Variants in GABRE observed in about 807,000 individuals in gnomAD.
GABRE encodes gamma-aminobutyric acid receptor subunit epsilon.
A neutral mutation model predicts 31.0 loss-of-function variants in GABRE; 20 were observed. The observed-to-expected ratio is 0.64, with a 90% CI of 0.45 to 0.94. The LOEUF is 0.94. Among genes scored for constraint, GABRE ranks in the 40% least tolerant of loss-of-function variants. The pLI is 0.00. For synonymous variants in GABRE, 155 were observed against 150.6 expected, an observed-to-expected ratio of 1.03 and a Z score of -0.21; for missense variants, 420 against 410.7, an observed-to-expected ratio of 1.02 and a Z score of -0.20.
intron 4 of GABRE, among the ~76,000 whole-genome samples, chrX:151,961,991 C>G (rs1206535686): frequency 9.0e-6 from 1 of 111,691 alleles, no homozygotes; most frequent in Non-Finnish European, 1.9e-5. Flanking sequence ...CCACACACAA[C>G]CTTCCCCTGC....
rs1336978190 is a variant in GABRE, at chrX:151,954,692, A to G, written c.*9T>C. 4.2e-6 allele frequency: 5 copies of G among 1,178,833 alleles called. No homozygotes were observed. The Admixed American group carries it at 1.2e-4, about 27-fold the overall frequency. ...TGGAGAGGTTGCCCCACAGGGTACC[A>G]GCTGGTACCTACAAGTTAAGGCAAA... On this transcript the variant is annotated 3_prime_UTR_variant, in exon 9 of 9. Transcript: ENST00000370328.
chrX:151,960,617 A>C (rs1934335160), intron 5 of GABRE, among the ~76,000 whole-genome samples: 1 of 111,976 alleles, frequency 8.9e-6, no homozygotes, highest in Admixed American at 9.5e-5. Flanking sequence ...TTCGAGACTA[A>C]GAAGTGACCC....
At chrX:151,969,871 T>G (rs765725976) in intron 2 of GABRE, 135 bp from the exon 3 acceptor site, 11 of 1,090,397 alleles carry the variant, frequency 1.0e-5, no homozygotes, top group Non-Finnish European at 1.3e-5. Context: ...ATCCTATTTC[T>G]TTATTTATTC....
chrX:151,960,026 T>C, intron 5 of GABRE, 50 bp from the exon 6 acceptor site: 3 of 1,132,962 alleles, frequency 2.6e-6, no homozygotes, highest in Non-Finnish European at 3.6e-6. Context: ...GAAGCCCACC[T>C]GAGGTCTCCA....
In GABRE at chrX:151,959,945, C is replaced by T. The variant is rs61740941; in HGVS notation, c.678G>A (p.Lys226=). The T allele has an allele frequency of 6.9e-4, 837 of 1,208,036 alleles. 8 individuals are homozygous for T. The highest frequency in any genetic ancestry group is 1.3e-4 in the Non-Finnish European group (116 of 893,868). The change falls in exon 6 of 9, where the codon AAG becomes AAA. Residue 226 remains lysine, a synonymous_variant. Coordinates refer to ENST00000370328, the MANE Select transcript of GABRE (RefSeq NM_004961.4). The part of the protein sequence containing the change: ...FSYPENEMIY[K]WENFKLEINE... ...TGATTTCAAGCTTGAAATTTTCCCA[C>T]TTGTAGATCATCTCATTCTCAGGAT...
At chrX:151,969,431 T>C (rs1432508311) in intron 3 of GABRE, 2 of 301,678 alleles carry the variant, frequency 6.6e-6, no homozygotes, top group Admixed American at 5.7e-5. Flanking sequence ...ATTATTTCTA[T>C]TTTGAATGAA....
At chrX:151,957,148 G>A (rs897696172) in intron 6 of GABRE, 3 of 166,042 alleles carry the variant, frequency 1.8e-5, no homozygotes, top group African/African-American at 9.1e-5. Flanking sequence ...TCTTGCTCCT[G>A]TCAGGCAACA....
At chrX:151,970,541 T>C in intron 1 of GABRE, 139 bp from the exon 2 acceptor site, 2 of 680,961 alleles carry the variant, frequency 2.9e-6, no homozygotes. Context: ...TAGCAAATTA[T>C]AAGACAGTGA....
rs1042557086 is a variant in GABRE at position 151,957,275 on chromosome X, G to A, written c.785-1415C>T. 19 of 234,480 alleles carry A rather than the reference G, an allele frequency of 8.1e-5. No individual in the cohort carries two copies. In the East Asian group the frequency reaches 8.1e-4, roughly 10 times the overall value. 19.3% of individuals were successfully genotyped at this position (234,480 alleles called of 1,213,427 possible). ...AGCTGAATGAGAAGAGCAGCCTTTC[G>A]TACTCACCTTGGCAGCACTGAAACT... On this transcript the variant is annotated intron_variant, in intron 6 of 8. Transcript: ENST00000370328.
rs755479520 is a variant in GABRE, at chrX:151,954,924, C to T, written c.1298G>A (p.Ser433Asn). 3.3e-6 allele frequency: 4 copies of T among 1,209,973 alleles called. No homozygotes were observed. The highest frequency in any genetic ancestry group is 4.5e-6 in the Non-Finnish European group (4 of 894,661). ...CSAQQPPSPGSPEGPRSLCSK... is the reference protein window; with the variant it reads ...CSAQQPPSPGNPEGPRSLCSK... The stretch of plus-strand genomic sequence containing the variant: ...GCAGAGGCTGCGGGGACCCTCAGGG[C>T]TACCTGGGCTAGGGGGCTGCTGGGC... Residue 433 changes from serine to asparagine, a missense_variant, in exon 9 of 9, where the codon AGC (serine) becomes AAC (asparagine). Coordinates refer to ENST00000370328, the MANE Select transcript of GABRE (RefSeq NM_004961.4).
At chrX:151,959,560 A>G (rs1473624289) in intron 6 of GABRE, 1 of 422,761 alleles carries the variant, frequency 2.4e-6, no homozygotes, top group Non-Finnish European at 4.6e-6. Context: ...GGTCTGCATG[A>G]AAAAGCCAGC....
intron 1 of GABRE, chrX:151,972,338 C>A: frequency 1.3e-6 from 1 of 753,976 alleles, no homozygotes; most frequent in South Asian, 6.8e-5. Context: ...TGTCCTCTTT[C>A]CCTGAGGCCA....
chrX:151,953,327 C>A lies in GABRE; in HGVS notation c.*1374G>T, dbSNP rs1934013524. The A allele has an allele frequency of 9.0e-6, 1 of 111,308 alleles. No individual in the cohort carries two copies. Among genetic ancestry groups the A allele is most frequent in the South Asian group, 3.9e-4 (1 of 2,586 alleles). The allele number at this position is 111,308 out of a possible 1,213,427, so 9.2% of individuals were successfully genotyped here. Reference sequence around the variant, plus strand: ...TTTGATCTTGGGGGCAGTCTGAGCACCTCAGGCCCAGAAATTGAGCTAAAG... The same window carrying A: ...TTTGATCTTGGGGGCAGTCTGAGCAACTCAGGCCCAGAAATTGAGCTAAAG... On this transcript the variant is annotated 3_prime_UTR_variant, in exon 9 of 9. Transcript: ENST00000370328.
intron 6 of GABRE, chrX:151,959,163 T>C (rs993487806): frequency 2.7e-5 from 8 of 297,416 alleles, no homozygotes; most frequent in Non-Finnish European, 5.3e-5. Flanking sequence ...GGAACATAAG[T>C]GAAGGTGCTC....
chrX:151,960,012 C>T (rs757891766), intron 5 of GABRE, 36 bp from the exon 6 acceptor site: 1 of 1,181,413 alleles, frequency 8.5e-7, no homozygotes, highest in Non-Finnish European at 1.1e-6. Flanking sequence ...TCTTATGAGA[C>T]TTGGAAGCCC....
At position 151,954,444 on chromosome X, in the gene GABRE, G is replaced by A. The variant is rs940379994; in HGVS notation, c.*257C>T. 2.2e-5 allele frequency: 7 copies of A among 323,013 alleles called. No individual in the cohort carries two copies. The highest frequency in any genetic ancestry group is 8.0e-5 in the African/African-American group (3 of 37,635). The allele number at this position is 323,013 out of a possible 1,213,427, so 26.6% of individuals were successfully genotyped here. On this transcript the variant is annotated 3_prime_UTR_variant, in exon 9 of 9. Coordinates refer to ENST00000370328, the MANE Select transcript of GABRE (RefSeq NM_004961.4). The stretch of plus-strand genomic sequence containing the variant: ...TGTGGTTTTGAACACTGAGCATCAC[G>A]GATGCTCCTTGAAGAAGAGGGAGGT...
chrX:151,962,774 AC>A, intron 3 of GABRE, 131 bp from the exon 4 acceptor site: 1 of 527,809 alleles, frequency 1.9e-6, no homozygotes, highest in Non-Finnish European at 3.2e-6. Flanking sequence ...TGAGCACTAG[AC>A]CAGGAAGCAG....
intron 6 of GABRE, chrX:151,958,451 G>A (rs769975062): frequency 1.3e-5 from 4 of 301,876 alleles, no homozygotes; most frequent in South Asian, 6.1e-5. Context: ...AAGGAACCAC[G>A]TCTCCAGATC....
At chrX:151,960,601 G>A (rs1213375552) in intron 5 of GABRE, among the ~76,000 whole-genome samples, 1 of 111,628 alleles carries the variant, frequency 9.0e-6, no homozygotes. Flanking sequence ...GAGAGTTAAC[G>A]GCAGATTCGA....
Sources: gnomAD v4.1 joint callset for allele counts (sites outside exome capture counted in the v4.1 genomes callset) on GRCh38, gnomAD v4.1.1 for gene constraint, MANE v1.5 for transcripts, NCBI Gene and HGNC (gene_info 2026-07-23, HGNC 2026-07-21) for gene names.